Variants in MYO6 observed in about 807,000 individuals in gnomAD.
MYO6 encodes the protein myosin VI.
MYO6 carries 74 observed loss-of-function variants against 178.7 expected under a neutral mutation model. That is an observed-to-expected ratio of 0.41 (90% CI 0.34 to 0.50). MYO6 has a LOEUF of 0.50. MYO6 is among the 20% of genes least tolerant of loss of function. The pLI, the probability that MYO6 is intolerant of heterozygous loss-of-function variation, is 0.09. For synonymous variants in MYO6, 477 were observed against 504.6 expected (o/e 0.95, Z 0.73); for missense variants, 1,330 against 1,547.4 (o/e 0.86, Z 2.36).
At chr6:75,890,316 C>T in intron 26 of MYO6, 51 bp downstream of exon 26, 1 of 1,608,738 alleles carries the variant, frequency 6.2e-7, no homozygotes, top group Non-Finnish European at 8.5e-7. Flanking sequence ...ATAGTGAATT[C>T]TTGGTATTGA....
intron 30 of MYO6, among the ~76,000 whole-genome samples, chr6:75,907,246 ATTTC>A (rs1780400372): frequency 6.6e-6 from 1 of 152,132 alleles, no homozygotes; most frequent in African/African-American, 2.4e-5. Flanking sequence ...TGTGTTGAGG[ATTTC>A]TTTCTTGATT....
chr6:75,801,586 TG>T (rs1411545249), intron 1 of MYO6, among the ~76,000 whole-genome samples: 1 of 152,174 alleles, frequency 6.6e-6, no homozygotes, highest in Non-Finnish European at 1.5e-5. Context: ...AGTAGAATAC[TG>T]TCTTCAAAGC....
intron 1 of MYO6, among the ~76,000 whole-genome samples, chr6:75,768,326 C>CATTTTATTTTATTTT (rs57473480): frequency 1.2e-4 from 14 of 119,518 alleles, no homozygotes; most frequent in South Asian, 9.0e-4. Flanking sequence ...GTAAATAATT[C>CATTTTATTTTATTTT]ATTTTATTTT....
chr6:75,757,062 A>G (rs1353095409), intron 1 of MYO6, among the ~76,000 whole-genome samples: 5 of 143,962 alleles, frequency 3.5e-5, no homozygotes, highest in Non-Finnish European at 7.6e-5. Flanking sequence ...ATATGTATAC[A>G]CACATATATA....
intron 26 of MYO6, among the ~76,000 whole-genome samples, chr6:75,890,491 C>T (rs1385714132): frequency 1.3e-5 from 2 of 152,140 alleles, no homozygotes; most frequent in East Asian, 1.9e-4. Context: ...ATTACAGGTG[C>T]GCACCACCAC....
chr6:75,780,962 A>G (rs142730668), intron 1 of MYO6, among the ~76,000 whole-genome samples: 2,286 of 151,926 alleles, frequency 0.015, 58 homozygotes, highest in African/African-American at 0.052. Flanking sequence ...ATAGGTGCAC[A>G]CCACCACACC....
intron 1 of MYO6, among the ~76,000 whole-genome samples, chr6:75,751,086 T>C (rs934630207): frequency 6.6e-6 from 1 of 152,160 alleles, no homozygotes; most frequent in Non-Finnish European, 1.5e-5. Context: ...GTGCCTTTTT[T>C]CCTTAATTGT....
At chr6:75,860,394 T>C (rs1364518846) in intron 14 of MYO6, among the ~76,000 whole-genome samples, 1 of 152,240 alleles carries the variant, frequency 6.6e-6, no homozygotes, top group Non-Finnish European at 1.5e-5. Context: ...CCTTCATGCC[T>C]CTAATTTAAC....
intron 32 of MYO6, among the ~76,000 whole-genome samples, chr6:75,910,784 C>T (rs1225393289): frequency 6.6e-6 from 1 of 151,954 alleles, no homozygotes; most frequent in African/African-American, 2.4e-5. Context: ...TTAAAGAGCA[C>T]CAAGAAGCTC....
Position 75,919,164 on chromosome 6 carries a change from A to G in MYO6, c.*4152A>G, listed in dbSNP as rs1430446510. 2.0e-5 allele frequency: 3 copies of G among 152,200 alleles called. No homozygotes were observed. The highest frequency in any genetic ancestry group is 2.9e-5 in the Non-Finnish European group (2 of 68,084). The allele number at this position is 152,200 out of a possible 1,614,324, so 9.4% of individuals were successfully genotyped here. On this transcript the variant is annotated 3_prime_UTR_variant, in exon 35 of 35. Coordinates refer to ENST00000369977, the MANE Select transcript of MYO6 (RefSeq NM_004999.4). ...GGGGGTACAAGTGCAGTTTTGTTAC[A>G]TGGGTATATTGCATAGTGGTAAAAT...
At chr6:75,750,173 G>T (rs1443849177) in intron 1 of MYO6, among the ~76,000 whole-genome samples, 1 of 146,288 alleles carries the variant, frequency 6.8e-6, no homozygotes, top group Non-Finnish European at 1.5e-5. Context: ...TCCTCTCACT[G>T]CACCCTCCCC....
intron 1 of MYO6, among the ~76,000 whole-genome samples, chr6:75,786,809 A>G (rs1278267554): frequency 6.6e-6 from 1 of 152,170 alleles, no homozygotes; most frequent in Non-Finnish European, 1.5e-5. Context: ...TTTGACTGTA[A>G]GTTGACATGC....
At chr6:75,766,557 G>A (rs1778438244) in intron 1 of MYO6, among the ~76,000 whole-genome samples, 1 of 152,106 alleles carries the variant, frequency 6.6e-6, no homozygotes, top group African/African-American at 2.4e-5. Flanking sequence ...AAAGTAGTCA[G>A]ATGCTACTAA....
At chr6:75,835,577 G>A (rs566228559) in intron 6 of MYO6, among the ~76,000 whole-genome samples, 2 of 152,140 alleles carry the variant, frequency 1.3e-5, no homozygotes, top group African/African-American at 2.4e-5. Context: ...GATGACAGGC[G>A]CATGCCAGCA....
At position 75,841,338 on chromosome 6, in the gene MYO6, TTA is replaced by T; in HGVS notation, c.777_778del (p.Ile259MetfsTer11). ...TTGTGTGCTGGTGCTTCTGAAGATA[TTA>T]GAGAAAAACTTCATTTGAGTTCACC... is the stretch of plus-strand genomic sequence containing the variant. On this transcript the variant is annotated frameshift_variant, in exon 9 of 35. Coordinates refer to ENST00000369977, the MANE Select transcript of MYO6 (RefSeq NM_004999.4). LOFTEE classifies it high-confidence loss of function. 6.2e-7 allele frequency: 1 copy of T among 1,613,946 alleles called. No homozygotes were observed. The highest frequency in any genetic ancestry group is 8.5e-7 in the Non-Finnish European group (1 of 1,179,982).
chr6:75,886,217 A>T lies in MYO6; in HGVS notation c.2507+123A>T, dbSNP rs894004206. On this transcript the variant is annotated intron_variant, in intron 24 of 34. Coordinates refer to ENST00000369977, the MANE Select transcript of MYO6 (RefSeq NM_004999.4). ...GTTTTCTCATGTTCTTTGTAAAATG[A>T]TGTATTAGTCTTTTATTTGTAATAT... is the stretch of plus-strand genomic sequence containing the variant. 1.4e-5 allele frequency: 9 copies of T among 664,204 alleles called. No individual in the cohort carries two copies. The Admixed American group carries it at 1.4e-4, about 10-fold the overall frequency. 41.1% of individuals were successfully genotyped at this position (664,204 alleles called of 1,614,324 possible). A position where few individuals can be genotyped will look rare whatever the true frequency, so the allele number is the denominator to read the frequency against.
At chr6:75,805,000 C>CATAT (rs1421900058) in intron 1 of MYO6, among the ~76,000 whole-genome samples, 20 of 65,640 alleles carry the variant, frequency 3.0e-4, no homozygotes, top group African/African-American at 1.5e-3. Context: ...TATACACACA[C>CATAT]ACATATATAT....
Position 75,895,107 on chromosome 6 carries a change from T to C in MYO6, c.3108-124T>C, listed in dbSNP as rs991874127. ...ATTAAAATTCTGAGTGATCTCATGT[T>C]GATTACAAATAATTGAGTTTTTAAA... On this transcript the variant is annotated intron_variant, in intron 28 of 34. Transcript: ENST00000369977. 8 of 724,702 alleles carry C rather than the reference T, an allele frequency of 1.1e-5. No individual in the cohort carries two copies. The African/African-American group carries it at 1.4e-4, about 13-fold the overall frequency. The allele number at this position is 724,702 out of a possible 1,614,324, so 44.9% of individuals were successfully genotyped here. A position where few individuals can be genotyped will look rare whatever the true frequency, so the allele number is the denominator to read the frequency against.
intron 1 of MYO6, among the ~76,000 whole-genome samples, chr6:75,803,035 A>G (rs1485469913): frequency 6.6e-6 from 1 of 152,206 alleles, no homozygotes; most frequent in Non-Finnish European, 1.5e-5. Context: ...TATTGTAATA[A>G]CGATTGCATA....
Sources: gnomAD v4.1 joint callset for allele counts (sites outside exome capture counted in the v4.1 genomes callset) on GRCh38, gnomAD v4.1.1 for gene constraint, MANE v1.5 for transcripts, NCBI Gene and HGNC (gene_info 2026-07-23, HGNC 2026-07-21) for gene names.